TNR: variants seen among roughly 807,000 people sequenced by gnomAD.
TNR encodes tenascin R, also known as tenascin-R.
Under a neutral mutation model 150.4 loss-of-function variants are expected in TNR, and 45 were observed. The observed-to-expected ratio is 0.30, with a 90% CI of 0.24 to 0.38. The LOEUF (loss-of-function observed/expected upper bound fraction) is 0.38. TNR is among the 10% of genes least tolerant of loss of function. The pLI, the probability that TNR is intolerant of heterozygous loss-of-function variation, is 1.00. For missense variants in TNR, 1,544 were observed against 1,759.1 expected (o/e 0.88, Z 2.19); for synonymous variants, 687 against 678.4 (o/e 1.01, Z -0.20).
chr1:175,573,061 T>C (rs1661945489), intron 1 of TNR, among the ~76,000 whole-genome samples: 1 of 152,220 alleles, frequency 6.6e-6, no homozygotes, highest in South Asian at 2.1e-4. Flanking sequence ...TCATCTTGTT[T>C]GCATTTGTTG....
In TNR at chr1:175,337,536, C is replaced by T. The variant is rs376875461; in HGVS notation, c.3526G>A (p.Gly1176Ser). 14 of 1,612,946 alleles carry T rather than the reference C, an allele frequency of 8.7e-6. No individual in the cohort carries two copies. Among genetic ancestry groups the T allele is most frequent in the East Asian group, 2.2e-5 (1 of 44,892 alleles). ...GCACAGATTGTACTTACAATCCAGC[C>T]GCCCCCGTCGGTGGTCATATCACAG... ...VYCDMTTDGG[G>S]WIVFQRRQNG... Residue 1176 changes from glycine (G) to serine (S), a missense_variant, in exon 19 of 23, where the codon GGC (glycine) becomes AGC (serine). Coordinates refer to ENST00000367674, the MANE Select transcript of TNR (RefSeq NM_003285.3).
chr1:175,466,253 G>A (rs1386270970), intron 2 of TNR, among the ~76,000 whole-genome samples: 3 of 152,194 alleles, frequency 2.0e-5, no homozygotes, highest in Admixed American at 6.5e-5. Context: ...GGAATCAAAT[G>A]CCAGTCTCTG....
In TNR at chr1:175,320,244, C is replaced by G. The variant is rs377572433; in HGVS notation, c.*3113G>C. The stretch of plus-strand genomic sequence containing the variant: ...GGAAATGCAGTTGTGCTTGGAGGAG[C>G]AGGATAAGCAGGAATCAGCGAGGAA... On this transcript the variant is annotated 3_prime_UTR_variant, in exon 23 of 23. Transcript: ENST00000367674. The G allele has an allele frequency of 1.3e-5, 2 of 152,348 alleles. No individual in the cohort carries two copies. The highest frequency in any genetic ancestry group is 2.4e-5 in the African/African-American group (1 of 41,502). The allele number at this position is 152,348 out of a possible 1,614,324, so 9.4% of individuals were successfully genotyped here.
intron 2 of TNR, among the ~76,000 whole-genome samples, chr1:175,497,846 G>A (rs189585504): frequency 1.8e-3 from 275 of 152,296 alleles, no homozygotes; most frequent in African/African-American, 6.3e-3. Flanking sequence ...GATCATCTTA[G>A]GTCAGGAGTT....
intron 2 of TNR, among the ~76,000 whole-genome samples, chr1:175,527,083 T>C (rs1398826066): frequency 6.6e-6 from 1 of 152,228 alleles, no homozygotes; most frequent in African/African-American, 2.4e-5. Flanking sequence ...TTCATTGTAA[T>C]ACACTGCCAG....
intron 1 of TNR, among the ~76,000 whole-genome samples, chr1:175,698,612 G>A (rs574811505): frequency 2.0e-5 from 3 of 152,226 alleles, no homozygotes; most frequent in South Asian, 2.1e-4. Context: ...GGCAAGAGGC[G>A]GGTGGATGGC....
chr1:175,345,885 G>GT (rs1189309734), intron 18 of TNR, among the ~76,000 whole-genome samples: 1 of 152,178 alleles, frequency 6.6e-6, no homozygotes, highest in Non-Finnish European at 1.5e-5. Context: ...ATAATGAAGT[G>GT]TAAGAGTTGC....
chr1:175,465,438 T>C (rs1429871085), intron 2 of TNR, among the ~76,000 whole-genome samples: 1 of 152,200 alleles, frequency 6.6e-6, no homozygotes, highest in Non-Finnish European at 1.5e-5. Context: ...TTTTCAAGCA[T>C]ATTGATCATA....
intron 18 of TNR, among the ~76,000 whole-genome samples, chr1:175,338,947 G>T (rs1271629295): frequency 6.6e-6 from 1 of 152,218 alleles, no homozygotes; most frequent in African/African-American, 2.4e-5. Flanking sequence ...CCCGTCGAGG[G>T]CGCACTGGCC....
chr1:175,371,066 T>TG (rs1233279025), intron 9 of TNR, among the ~76,000 whole-genome samples: 1 of 83,008 alleles, frequency 1.2e-5, no homozygotes, highest in Non-Finnish European at 2.7e-5. Context: ...ACAGTTCTGC[T>TG]GGAAAAAAAA....
intron 1 of TNR, among the ~76,000 whole-genome samples, chr1:175,701,303 C>T (rs1666689601): frequency 1.3e-5 from 2 of 152,200 alleles, no homozygotes; most frequent in Admixed American, 1.3e-4. Flanking sequence ...TCTCACAGAT[C>T]CACTTGCCCC....
Position 175,555,851 on chromosome 1 carries a change from G to A in TNR, c.-164-27482C>T, listed in dbSNP as rs190907619. Among the ~76,000 whole-genome samples the A allele has an allele frequency of 9.2e-5, 14 of 152,304 alleles. No homozygotes were observed. The East Asian group carries it at 1.7e-3, about 19-fold the overall frequency. The stretch of plus-strand genomic sequence containing the variant: ...CTTGATAGGAGGATTTGGCTAGAAG[G>A]CTCCTTCCAACCATGAGTTGTGTGG... On this transcript the variant is annotated intron_variant, in intron 1 of 22. Coordinates refer to ENST00000367674, the MANE Select transcript of TNR (RefSeq NM_003285.3).
intron 18 of TNR, among the ~76,000 whole-genome samples, chr1:175,339,894 A>G (rs1650429098): frequency 6.6e-6 from 1 of 152,182 alleles, no homozygotes; most frequent in South Asian, 2.1e-4. Flanking sequence ...GCTTCTTCAT[A>G]TTGATAATGT....
intron 20 of TNR, 60 bp from the exon 21 acceptor site, chr1:175,330,295 G>A (rs1649667182): frequency 2.7e-6 from 4 of 1,458,306 alleles, no homozygotes; most frequent in Admixed American, 2.1e-5. Context: ...GAAAATGGGA[G>A]GGAAATGCGT....
chr1:175,652,225 A>G (rs1393487929), intron 1 of TNR, among the ~76,000 whole-genome samples: 2 of 149,572 alleles, frequency 1.3e-5, no homozygotes, highest in African/African-American at 4.9e-5. Context: ...ATATACATAT[A>G]TATGAACATA....
At chr1:175,679,168 G>A (rs1367623249) in intron 1 of TNR, among the ~76,000 whole-genome samples, 1 of 152,238 alleles carries the variant, frequency 6.6e-6, no homozygotes, top group African/African-American at 2.4e-5. Context: ...GTACAGGAGG[G>A]CTTTTTGCAA....
At chr1:175,500,285 G>A (rs1268313694) in intron 2 of TNR, among the ~76,000 whole-genome samples, 1 of 152,150 alleles carries the variant, frequency 6.6e-6, no homozygotes, top group Non-Finnish European at 1.5e-5. Context: ...TGCTAGAAGG[G>A]AAAGCTAAAA....
intron 1 of TNR, among the ~76,000 whole-genome samples, chr1:175,627,326 G>C (rs2101870088): frequency 6.6e-6 from 1 of 152,248 alleles, no homozygotes; most frequent in South Asian, 2.1e-4. Context: ...CTGATCCTTA[G>C]ATCAGAGTTT....
chr1:175,501,031 G>A (rs147668638), intron 2 of TNR, among the ~76,000 whole-genome samples: 4 of 152,158 alleles, frequency 2.6e-5, no homozygotes, highest in Non-Finnish European at 4.4e-5. Flanking sequence ...TGAGTGTGGC[G>A]AGGAACCTGT....
Sources: gnomAD v4.1 joint callset for allele counts (sites outside exome capture counted in the v4.1 genomes callset) on GRCh38, gnomAD v4.1.1 for gene constraint, MANE v1.5 for transcripts, NCBI Gene and HGNC (gene_info 2026-07-23, HGNC 2026-07-21) for gene names.